Variants in LMTK2 observed in about 807,000 individuals in gnomAD.
LMTK2 encodes lemur tail kinase 2.
In LMTK2, 37 loss-of-function variants were observed where a neutral mutation model predicts 127.5. The observed-to-expected ratio is 0.29, with a 90% confidence interval of 0.22 to 0.38. The LOEUF (loss-of-function observed/expected upper bound fraction) is 0.38, where lower values mean the gene tolerates loss of function less well. Ranked by LOEUF, LMTK2 falls within the 10% of genes least tolerant of loss-of-function variation. The probability of loss-of-function intolerance (pLI) is 1.00; values close to 1 mark genes in which losing one functional copy is unlikely to be tolerated. For missense variants in LMTK2, 1,694 were observed against 1,920.3 expected (o/e 0.88, Z 2.20); for synonymous variants, 819 against 810.1 (o/e 1.01, Z -0.19).
At position 98,194,503 on chromosome 7, in the gene LMTK2, C is replaced by G; in HGVS notation, c.4038C>G (p.Pro1346=). 1 of 1,613,476 alleles carries G rather than the reference C, an allele frequency of 6.2e-7. No individual in the cohort carries two copies. Among genetic ancestry groups the G allele is most frequent in the Non-Finnish European group, 8.5e-7 (1 of 1,180,026 alleles). Reference sequence around the variant, plus strand: ...CGGCCAATGCCCCCGACCCACTGCCCGAGGACTGGAAGAAGGAAAAGAAGG... The same window carrying G: ...CGGCCAATGCCCCCGACCCACTGCCGGAGGACTGGAAGAAGGAAAAGAAGG... ...PTAANAPDPL[P]EDWKKEKKAV... is the part of the protein sequence containing the mutation. Residue 1346 remains proline, a synonymous_variant, in exon 11 of 14, where the codon CCC becomes CCG. Transcript: ENST00000297293. This position sits in a 1 kb window ranked among gnomAD's most constrained non-coding sequence, Gnocchi z 5.4.
At chr7:98,163,972 A>T (rs1797052150) in intron 6 of LMTK2, among the ~76,000 whole-genome samples, 1 of 152,250 alleles carries the variant, frequency 6.6e-6, no homozygotes, top group South Asian at 2.1e-4. Context: ...TTCAGTCGTC[A>T]TCCTGCAGTC....
intron 7 of LMTK2, among the ~76,000 whole-genome samples, chr7:98,180,235 TTTGGAAA>T (rs1797335715): frequency 1.3e-5 from 2 of 152,262 alleles, no homozygotes; most frequent in Admixed American, 1.3e-4. Context: ...ACATGTGAGC[TTTGGAAA>T]TTAAAATCTT....
In LMTK2 at chr7:98,203,596, G is replaced by A. The variant is rs778469206; in HGVS notation, c.4130G>A (p.Gly1377Glu). The change falls in exon 12 of 14, where the codon GGG (glycine) becomes GAG (glutamate). Residue 1377 changes from glycine (G) to glutamate (E), a missense_variant. Gly to Glu is a moderately conservative substitution (Grantham distance 98, BLOSUM62 -2). Coordinates refer to ENST00000297293, the MANE Select transcript of LMTK2 (RefSeq NM_014916.4). ...CAGGAGACCCCAACCAAAGAGCTGG[G>A]GCCCTGTGGAGGAGAGGCGTGCGGC... ...FDQETPTKEL[G>E]PCGGEACGPD... 100 of 1,598,982 alleles carry A rather than the reference G, an allele frequency of 6.3e-5. No individual in the cohort carries two copies. The highest frequency in any genetic ancestry group is 8.3e-5 in the Non-Finnish European group (98 of 1,176,004).
rs146056893 is a variant in LMTK2, at chr7:98,193,489, G to C, written c.3024G>C (p.Ala1008=). 3 of 1,614,076 alleles carry C rather than the reference G, an allele frequency of 1.9e-6. No individual in the cohort carries two copies. The highest frequency in any genetic ancestry group is 1.7e-6 in the Non-Finnish European group (2 of 1,180,014). ...DSLESVDVHE[A]LLDSLGSHTP... ...TGGAGTCAGTGGATGTCCACGAAGC[G>C]CTACTGGACTCTTTAGGATCTCACA... The change falls in exon 11 of 14, where the codon GCG becomes GCC. Residue 1008 remains alanine (A), a synonymous_variant. Transcript: ENST00000297293. This position sits in a 1 kb window ranked among gnomAD's most constrained non-coding sequence, Gnocchi z 4.1.
chr7:98,111,580 C>G (rs1178755051), intron 1 of LMTK2, among the ~76,000 whole-genome samples: 2 of 152,116 alleles, frequency 1.3e-5, no homozygotes, highest in African/African-American at 4.8e-5. Flanking sequence ...GCTTAGAACT[C>G]CATCATTAAA....
chr7:98,140,167 CT>C (rs374946261), intron 2 of LMTK2, among the ~76,000 whole-genome samples: 36,276 of 46,692 alleles, frequency 0.78, 13,961 homozygotes, highest in Middle Eastern at 0.84. Flanking sequence ...CTTTTCTTTT[CT>C]TTTCTTTCTT....
intron 11 of LMTK2, among the ~76,000 whole-genome samples, chr7:98,195,252 G>A (rs369180025): frequency 6.6e-6 from 1 of 152,130 alleles, no homozygotes; most frequent in African/African-American, 2.4e-5. Flanking sequence ...ACCATGGCTG[G>A]CGTGCAGCCC....
At chr7:98,202,282 T>C (rs188763589) in intron 11 of LMTK2, among the ~76,000 whole-genome samples, 1 of 152,354 alleles carries the variant, frequency 6.6e-6, no homozygotes, top group East Asian at 1.9e-4. Context: ...CTTTTTGTCA[T>C]TCTTCTTATC....
At chr7:98,140,093 T>A (rs1187376127) in intron 2 of LMTK2, among the ~76,000 whole-genome samples, 39 of 2,854 alleles carry the variant, frequency 0.014, 3 homozygotes, top group Admixed American at 0.023. Flanking sequence ...TTTCTTTCTT[T>A]CTTTCTTTCT....
chr7:98,180,386 A>G (rs1381434439), intron 7 of LMTK2, among the ~76,000 whole-genome samples: 7 of 152,228 alleles, frequency 4.6e-5, no homozygotes. Context: ...CTCCTTTTCT[A>G]TTTTAATTTA....
chr7:98,124,785 T>A (rs1738971085), intron 1 of LMTK2, among the ~76,000 whole-genome samples: 1 of 149,814 alleles, frequency 6.7e-6, no homozygotes, highest in South Asian at 2.1e-4. Flanking sequence ...ACTGTGTCTC[T>A]AAAAAAAAAA....
chr7:98,197,428 G>A (rs1042996713), intron 11 of LMTK2, among the ~76,000 whole-genome samples: 5 of 152,344 alleles, frequency 3.3e-5, no homozygotes, highest in South Asian at 4.1e-4. Flanking sequence ...GCCTGGCATC[G>A]CATTCGACTT....
At chr7:98,201,306 C>T (rs1797700806) in intron 11 of LMTK2, among the ~76,000 whole-genome samples, 2 of 152,116 alleles carry the variant, frequency 1.3e-5, no homozygotes, top group South Asian at 4.1e-4. Flanking sequence ...ATGCTTAGGA[C>T]CAGAAGCATT....
chr7:98,109,148 C>T (rs923694177), intron 1 of LMTK2, among the ~76,000 whole-genome samples: 3 of 152,028 alleles, frequency 2.0e-5, no homozygotes, highest in East Asian at 1.9e-4. Context: ...CGTGAGCCAC[C>T]GCGCCTGGCC....
Position 98,206,131 on chromosome 7 carries a change from A to G in LMTK2, c.*639A>G, listed in dbSNP as rs918230121. On this transcript the variant is annotated 3_prime_UTR_variant, in exon 14 of 14. Coordinates refer to ENST00000297293, the MANE Select transcript of LMTK2 (RefSeq NM_014916.4). Reference sequence around the variant, plus strand: ...GTACTTGTGAAGCTTAAATATTTTGAGTGTTCTACTGTGTCTAGGATTGTT... The same window carrying G: ...GTACTTGTGAAGCTTAAATATTTTGGGTGTTCTACTGTGTCTAGGATTGTT... 3 of 152,714 alleles carry G rather than the reference A, an allele frequency of 2.0e-5. No individual in the cohort carries two copies. Among genetic ancestry groups the G allele is most frequent in the Non-Finnish European group, 4.4e-5 (3 of 68,322 alleles). 9.5% of individuals were successfully genotyped at this position (152,714 alleles called of 1,614,324 possible). A position where few individuals can be genotyped will look rare whatever the true frequency, so the allele number is the denominator to read the frequency against.
chr7:98,120,595 T>G (rs1473998335), intron 1 of LMTK2, among the ~76,000 whole-genome samples: 4 of 152,236 alleles, frequency 2.6e-5, no homozygotes, highest in African/African-American at 9.6e-5. Flanking sequence ...ATTTTTCTCA[T>G]CGCAGATTCT....
intron 4 of LMTK2, 35 bp downstream of exon 4, chr7:98,151,490 G>C (rs1158324852): frequency 6.8e-7 from 1 of 1,477,942 alleles, no homozygotes; most frequent in South Asian, 1.1e-5. Context: ...GTTTTCCTCT[G>C]AATGATACTG....
rs776473808 is a variant in LMTK2 at position 98,193,876 on chromosome 7, C to A, written c.3411C>A (p.Pro1137=). Residue 1137 remains proline, a synonymous_variant, in exon 11 of 14, where the codon CCC becomes CCA. Transcript: ENST00000297293. The surrounding 1 kb of genome is among the most constrained non-coding windows in gnomAD (Gnocchi z 4.1). ...TGTTGGTACAGGAGCAGCCCCTACC[C>A]GAGCCAGTCCTCCCCGAGCAAAGTC... ...ALVLVQEQPL[P]EPVLPEQSPA... 1 of 1,614,060 alleles carries A rather than the reference C, an allele frequency of 6.2e-7. No homozygotes were observed. The highest frequency in any genetic ancestry group is 2.2e-5 in the East Asian group (1 of 44,878).
intron 7 of LMTK2, among the ~76,000 whole-genome samples, chr7:98,179,605 CCCTCCCTTTCTCCCTCCCTCCCTT>C (rs1797324732): frequency 7.0e-5 from 10 of 142,252 alleles, no homozygotes; most frequent in Non-Finnish European, 1.1e-4. Flanking sequence ...CTCTCTCCCT[CCCTCCCTTTCTCCCTCCCTCCCTT>C]TCTCCCTCCC....
Sources: gnomAD v4.1 joint callset for allele counts (sites outside exome capture counted in the v4.1 genomes callset) on GRCh38, gnomAD v4.1.1 for gene constraint, Gnocchi (gnomAD v3.1) non-coding constraint, MANE v1.5 for transcripts, NCBI Gene and HGNC (gene_info 2026-07-23, HGNC 2026-07-21) for gene names.